COL24A1: variants seen among roughly 807,000 people sequenced by gnomAD.
The protein encoded by COL24A1 is collagen type XXIV alpha 1 chain, also known as collagen alpha-1(XXIV) chain.
A neutral mutation model predicts 253.9 loss-of-function variants in COL24A1; 224 were observed. That is an observed-to-expected ratio of 0.88 (90% CI 0.79 to 0.99). COL24A1 has a LOEUF of 0.99. Ranked by LOEUF, COL24A1 falls within the 50% of genes least tolerant of loss-of-function variation. COL24A1 has a pLI of 0.00. For synonymous variants in COL24A1, 685 were observed against 673.7 expected (o/e 1.02, Z -0.26); for missense variants, 2,131 against 2,068.5 (o/e 1.03, Z -0.59).
At chr1:85,927,201 T>A (rs1031170172) in intron 24 of COL24A1, among the ~76,000 whole-genome samples, 8 of 151,734 alleles carry the variant, frequency 5.3e-5, no homozygotes, top group African/African-American at 1.9e-4. Flanking sequence ...TGCCAGACAG[T>A]GGGCGGAGGC....
At chr1:85,817,767 C>A (rs982017374) in intron 46 of COL24A1, among the ~76,000 whole-genome samples, 2 of 151,934 alleles carry the variant, frequency 1.3e-5, no homozygotes, top group African/African-American at 2.4e-5. Context: ...AGTGGTTCAC[C>A]GTCAGAAGCA....
chr1:86,107,701 AT>A (rs1173214874), intron 5 of COL24A1, among the ~76,000 whole-genome samples: 4 of 151,486 alleles, frequency 2.6e-5, no homozygotes, highest in Non-Finnish European at 5.9e-5. Flanking sequence ...CGCCCGGCTA[AT>A]TTTTTTGTAT....
intron 8 of COL24A1, among the ~76,000 whole-genome samples, chr1:86,059,711 G>A (rs1410864897): frequency 1.3e-5 from 2 of 152,116 alleles, no homozygotes; most frequent in African/African-American, 4.8e-5. Context: ...AATTTGAATG[G>A]TGCTGTGGAC....
At chr1:85,824,220 A>G (rs1673969276) in intron 43 of COL24A1, among the ~76,000 whole-genome samples, 1 of 152,142 alleles carries the variant, frequency 6.6e-6, no homozygotes, top group South Asian at 2.1e-4. Context: ...GATTGGAGAG[A>G]TGCGGTCATA....
chr1:85,941,244 T>C (rs756265645), intron 24 of COL24A1, among the ~76,000 whole-genome samples: 5 of 152,150 alleles, frequency 3.3e-5, no homozygotes, highest in Non-Finnish European at 2.9e-5. Flanking sequence ...GCAGACCTCA[T>C]AGGTGTTGTG....
chr1:85,861,360 C>G lies in COL24A1; in HGVS notation c.3300+7159G>C, dbSNP rs561014687. ...TTGTTAATATATTCTGGATACGAGT[C>G]CCTTATCATATATGATTTTCAAATA... On this transcript the variant is annotated intron_variant, in intron 37 of 59. Coordinates refer to ENST00000370571, the MANE Select transcript of COL24A1 (RefSeq NM_152890.7). 1.1e-4 allele frequency among the ~76,000 whole-genome samples: 17 copies of G among 152,160 alleles called. No individual in the cohort carries two copies. In the East Asian group the frequency reaches 2.5e-3, roughly 22 times the overall value.
At chr1:86,081,765 T>C (rs1309903456) in intron 7 of COL24A1, among the ~76,000 whole-genome samples, 2 of 152,206 alleles carry the variant, frequency 1.3e-5, no homozygotes, top group Non-Finnish European at 2.9e-5. Context: ...CTTAATATAC[T>C]GTGGCAAATG....
At position 85,854,987 on chromosome 1, in the gene COL24A1, T is replaced by C. The variant is rs994578990; in HGVS notation, c.3301-5581A>G. ...AAATATTCCTAGGTATTTTATTCTTTTTGTGGCTATTATGAGTGGCATTAA... is the reference window on the plus strand; with the variant it reads ...AAATATTCCTAGGTATTTTATTCTTCTTGTGGCTATTATGAGTGGCATTAA... On this transcript the variant is annotated intron_variant, in intron 37 of 59. Coordinates refer to ENST00000370571, the MANE Select transcript of COL24A1 (RefSeq NM_152890.7). 3.3e-5 allele frequency among the ~76,000 whole-genome samples: 5 copies of C among 152,262 alleles called. No individual in the cohort carries two copies. The East Asian group carries it at 9.7e-4, about 29-fold the overall frequency.
At chr1:85,817,435 A>G (rs1673152352) in intron 46 of COL24A1, among the ~76,000 whole-genome samples, 1 of 151,700 alleles carries the variant, frequency 6.6e-6, no homozygotes, top group Non-Finnish European at 1.5e-5. Context: ...TATAATTTAC[A>G]TTCATTTTCT....
At chr1:85,977,966 G>A (rs1025320203) in intron 20 of COL24A1, among the ~76,000 whole-genome samples, 5 of 152,082 alleles carry the variant, frequency 3.3e-5, no homozygotes, top group Admixed American at 2.0e-4. Flanking sequence ...AGAATCATAC[G>A]AGCTGTGAGG....
At chr1:86,045,951 G>A (rs1405654198) in intron 12 of COL24A1, 2 of 361,368 alleles carry the variant, frequency 5.5e-6, no homozygotes, top group Non-Finnish European at 1.1e-5. Flanking sequence ...AGATTCAGTG[G>A]AGCTTTGCTC....
intron 7 of COL24A1, 25 bp downstream of exon 7, chr1:86,089,149 G>T (rs1378427495): frequency 2.6e-6 from 4 of 1,543,268 alleles, no homozygotes; most frequent in Non-Finnish European, 3.5e-6. Context: ...AAGAAAAAAA[G>T]AAAAGAAGTA....
At chr1:86,138,985 C>T (rs976754952) in intron 2 of COL24A1, among the ~76,000 whole-genome samples, 12 of 151,908 alleles carry the variant, frequency 7.9e-5, no homozygotes, top group Non-Finnish European at 1.2e-4. Context: ...GTTGTTGTTT[C>T]GTTAAACACT....
At chr1:86,066,131 T>G (rs774172336) in intron 7 of COL24A1, among the ~76,000 whole-genome samples, 26 of 152,080 alleles carry the variant, frequency 1.7e-4, no homozygotes, top group Non-Finnish European at 3.7e-4. Flanking sequence ...CCAAGTCATA[T>G]TACAGTACCT....
Position 85,860,165 on chromosome 1 carries a change from TG to T in COL24A1, c.3300+8353del, listed in dbSNP as rs1007835190. Among the ~76,000 whole-genome samples, 10 of 152,160 alleles carry T rather than the reference TG, an allele frequency of 6.6e-5. No homozygotes were observed. In the South Asian group the frequency reaches 1.0e-3, roughly 16 times the overall value. ...TTGAGGAATAATTAACATTTACATA[TG>T]TGATAGTTACATGATACTATATACT... On this transcript the variant is annotated intron_variant, in intron 37 of 59. Coordinates refer to ENST00000370571, the MANE Select transcript of COL24A1 (RefSeq NM_152890.7).
chr1:85,954,991 G>A lies in COL24A1; in HGVS notation c.2562+6258C>T, dbSNP rs192506110. ...AAAACTAGCAGTCTCCTATTGATAC[G>A]GAAGTGCAGGGTAGGGAAGGGCTGG... On this transcript the variant is annotated intron_variant, in intron 24 of 59. Coordinates refer to ENST00000370571, the MANE Select transcript of COL24A1 (RefSeq NM_152890.7). Among the ~76,000 whole-genome samples, 182 of 152,296 alleles carry A rather than the reference G, an allele frequency of 1.2e-3. 1 individual carries two copies. The highest frequency in any genetic ancestry group is 4.1e-3 in the African/African-American group (171 of 41,564).
At chr1:86,098,055 G>A (rs969043229) in intron 5 of COL24A1, among the ~76,000 whole-genome samples, 2 of 152,148 alleles carry the variant, frequency 1.3e-5, no homozygotes, top group African/African-American at 2.4e-5. Flanking sequence ...GTATACAGGA[G>A]AGCAACCAAA....
chr1:85,983,527 C>A (rs1224342909), intron 20 of COL24A1, among the ~76,000 whole-genome samples: 1 of 151,860 alleles, frequency 6.6e-6, no homozygotes, highest in Non-Finnish European at 1.5e-5. Context: ...GGAAAGAACC[C>A]AAATTGTTTG....
At chr1:86,041,049 T>TA (rs1699436658) in intron 12 of COL24A1, among the ~76,000 whole-genome samples, 1 of 152,128 alleles carries the variant, frequency 6.6e-6, no homozygotes, top group African/African-American at 2.4e-5. Flanking sequence ...GAAGCCAAAA[T>TA]ACAGTTTACT....
Sources: gnomAD v4.1 joint callset for allele counts (sites outside exome capture counted in the v4.1 genomes callset) on GRCh38, gnomAD v4.1.1 for gene constraint, MANE v1.5 for transcripts, NCBI Gene and HGNC (gene_info 2026-07-23, HGNC 2026-07-21) for gene names.